Variants in ZC3H18 observed in about 807,000 individuals in gnomAD.
ZC3H18 encodes zinc finger CCCH domain-containing protein 18.
ZC3H18 carries 8 observed loss-of-function variants against 106.1 expected under a neutral mutation model. The ratio of observed to expected loss-of-function variants is 0.08; its 90% CI spans 0.04 to 0.14. The LOEUF is 0.14. Ranked by LOEUF, ZC3H18 falls within the 10% of genes least tolerant of loss-of-function variation. The probability of loss-of-function intolerance (pLI) is 1.00; values close to 1 mark genes in which losing one functional copy is unlikely to be tolerated. For synonymous variants in ZC3H18, 635 were observed against 522.1 expected (o/e 1.22, Z -2.95); for missense variants, 1,318 against 1,278.4 (o/e 1.03, Z -0.47).
chr16:88,573,563 G>C (rs2142513107), intron 1 of ZC3H18, among the ~76,000 whole-genome samples: 1 of 151,994 alleles, frequency 6.6e-6, no homozygotes, highest in Middle Eastern at 3.4e-3. Flanking sequence ...ATTTTCAGCA[G>C]TGTATACCAG....
intron 1 of ZC3H18, among the ~76,000 whole-genome samples, chr16:88,573,947 A>G (rs1293291851): frequency 6.6e-6 from 1 of 151,484 alleles, no homozygotes; most frequent in East Asian, 1.9e-4. Context: ...ATCTTGGCTC[A>G]CTGCAACCTC....
At chr16:88,600,251 A>G (rs1597338922) in intron 6 of ZC3H18, among the ~76,000 whole-genome samples, 1 of 152,148 alleles carries the variant, frequency 6.6e-6, no homozygotes, top group African/African-American at 2.4e-5. Flanking sequence ...GAGCCCCACA[A>G]GTCTGTGTTT....
At chr16:88,600,000 C>G (rs889918828) in intron 6 of ZC3H18, 52 bp downstream of exon 6, 2 of 1,599,794 alleles carry the variant, frequency 1.3e-6, no homozygotes, top group South Asian at 1.1e-5. Flanking sequence ...TGCGGCCACG[C>G]TCCGGAGAGA....
At chr16:88,584,889 C>A (rs1418699083) in intron 2 of ZC3H18, among the ~76,000 whole-genome samples, 1 of 152,064 alleles carries the variant, frequency 6.6e-6, no homozygotes, top group Non-Finnish European at 1.5e-5. Flanking sequence ...CACCTCATCT[C>A]CTACACGCTC....
In ZC3H18 at chr16:88,582,027, C is replaced by G. The variant is rs1484638771; in HGVS notation, c.603+4301C>G. On this transcript the variant is annotated intron_variant, in intron 2 of 17. Coordinates refer to ENST00000301011, the MANE Select transcript of ZC3H18 (RefSeq NM_144604.4). ...GGTTCCCATTTTGTTCCATTCTCCT[C>G]TTATTGAGGACCTCCTACATTTGTA... 3.9e-5 allele frequency among the ~76,000 whole-genome samples: 6 copies of G among 152,184 alleles called. No individual in the cohort carries two copies. In the East Asian group the frequency reaches 1.2e-3, roughly 29 times the overall value.
chr16:88,599,742 A>T (rs781659339), intron 5 of ZC3H18, 49 bp from the exon 6 acceptor site: 3 of 1,570,216 alleles, frequency 1.9e-6, no homozygotes. Flanking sequence ...CCTAACAGCG[A>T]CGCCCGGTAT....
chr16:88,626,361 A>T (rs1906309860), intron 13 of ZC3H18: 1 of 152,174 alleles, frequency 6.6e-6, no homozygotes, highest in African/African-American at 2.4e-5. Context: ...TCCAGCCTGG[A>T]CAACAGAGAT....
At chr16:88,624,896 G>T in intron 12 of ZC3H18, 151 bp downstream of exon 12, 1 of 1,226,364 alleles carries the variant, frequency 8.2e-7, no homozygotes, top group South Asian at 1.6e-5. Flanking sequence ...GCCCTTACCC[G>T]GGAACCTGCC....
intron 13 of ZC3H18, chr16:88,626,633 A>C (rs1016480842): frequency 6.6e-6 from 1 of 152,028 alleles, no homozygotes; most frequent in Admixed American, 6.6e-5. Context: ...GATTATAGGC[A>C]TGAGCCACCG....
chr16:88,611,237 G>C, intron 7 of ZC3H18, 31 bp from the exon 8 acceptor site: 1 of 745,086 alleles, frequency 1.3e-6, no homozygotes, highest in South Asian at 1.4e-5. Flanking sequence ...ATAACGCACG[G>C]TGTCCCCATG....
chr16:88,616,324 C>G lies in ZC3H18; in HGVS notation c.1475+4788C>G, dbSNP rs187534634. Among the ~76,000 whole-genome samples, 39 of 152,392 alleles carry G rather than the reference C, an allele frequency of 2.6e-4. No individual in the cohort carries two copies. The East Asian group carries it at 7.5e-3, about 29-fold the overall frequency. ...CCTGTTTCTGACCTGGTTCATTTCCCTTCTGCGAGGCTCACGTCCCTTTCT... is the reference window on the plus strand; with the variant it reads ...CCTGTTTCTGACCTGGTTCATTTCCGTTCTGCGAGGCTCACGTCCCTTTCT... On this transcript the variant is annotated intron_variant, in intron 8 of 17. Transcript: ENST00000301011.
intron 3 of ZC3H18, 140 bp downstream of exon 3, chr16:88,586,824 GT>G: frequency 9.5e-6 from 6 of 634,426 alleles, no homozygotes; most frequent in East Asian, 2.8e-5. Context: ...GGTGGTGGTG[GT>G]GGTGGTGGTG....
chr16:88,612,121 A>G (rs886474700), intron 8 of ZC3H18, among the ~76,000 whole-genome samples: 2 of 152,196 alleles, frequency 1.3e-5, no homozygotes, highest in African/African-American at 4.8e-5. Context: ...AAGACCCATG[A>G]GACAGGCAGG....
At position 88,581,411 on chromosome 16, in the gene ZC3H18, T is replaced by C. The variant is rs529058385; in HGVS notation, c.603+3685T>C. Among the ~76,000 whole-genome samples, 17 of 152,304 alleles carry C rather than the reference T, an allele frequency of 1.1e-4. 1 individual carries two copies. The stretch of plus-strand genomic sequence containing the variant: ...ACACTTTCCTTGATCGGGACATCAA[T>C]TTGTACAATAAGCCCTTGAAATTGT... On this transcript the variant is annotated intron_variant, in intron 2 of 17. Coordinates refer to ENST00000301011, the MANE Select transcript of ZC3H18 (RefSeq NM_144604.4).
At chr16:88,623,398 C>T (rs555191373) in intron 10 of ZC3H18, 54 bp downstream of exon 10, 649 of 1,594,480 alleles carry the variant, frequency 4.1e-4, no homozygotes, top group Middle Eastern at 5.0e-4. Flanking sequence ...AGCAAGGGCA[C>T]CTGCGGATGT....
chr16:88,571,533 A>G (rs184792248), intron 1 of ZC3H18: 4 of 738,700 alleles, frequency 5.4e-6, no homozygotes, highest in East Asian at 2.6e-4. Context: ...TAATTTTACT[A>G]TCTAAGGGCA....
chr16:88,627,639 G>C lies in ZC3H18; in HGVS notation c.2126G>C (p.Ser709Thr), dbSNP rs774453892. 11 of 1,605,986 alleles carry C rather than the reference G, an allele frequency of 6.8e-6. No individual in the cohort carries two copies. In the East Asian group the frequency reaches 1.3e-4, roughly 20 times the overall value. Reference protein sequence around the residue: ...SSRSRSLSVSSVSSVSSATSS... With the variant: ...SSRSRSLSVSTVSSVSSATSS... ...GTGTCCAGGTCCCTGAGCGTGAGCAGCGTCTCCTCAGTGTCCAGTGCTACG... is the reference window on the plus strand; with the variant it reads ...GTGTCCAGGTCCCTGAGCGTGAGCACCGTCTCCTCAGTGTCCAGTGCTACG... The change falls in exon 14 of 18, where the codon AGC (serine) becomes ACC (threonine). Residue 709 changes from serine (S) to threonine (T), a missense_variant. Ser to Thr is a moderately conservative substitution (Grantham distance 58, BLOSUM62 1). Around this residue, in one of 6 missense-constraint regions of ZC3H18, gnomAD observed 848 missense variants for 821.7 expected, o/e 1.03. Coordinates refer to ENST00000301011, the MANE Select transcript of ZC3H18 (RefSeq NM_144604.4). This position sits in a 1 kb window ranked among gnomAD's most constrained non-coding sequence, Gnocchi z 4.5.
rs76487412 is a variant in ZC3H18 at position 88,622,413 on chromosome 16, G to C, written c.1667+25G>C. The C allele has an allele frequency of 2.3e-4, 364 of 1,578,086 alleles. 3 individuals carry two copies. In the East Asian group the frequency reaches 8.1e-3, roughly 35 times the overall value. On this transcript the variant is annotated intron_variant, in intron 9 of 17. Coordinates refer to ENST00000301011, the MANE Select transcript of ZC3H18 (RefSeq NM_144604.4). ...GGTAAGGAGGGCTCGTGGGACGGCT[G>C]GGGTGTCAGCACCTTGGAGCCGTCA...
chr16:88,597,162 C>T (rs910655526), intron 3 of ZC3H18, among the ~76,000 whole-genome samples: 3 of 152,296 alleles, frequency 2.0e-5, no homozygotes, highest in African/African-American at 7.2e-5. Context: ...ACGTCGTGAG[C>T]CACCACGCCT....
Sources: allele counts gnomAD v4.1 joint callset (sites outside exome capture counted in the v4.1 genomes callset), GRCh38; gene constraint gnomAD v4.1.1; regional missense constraint gnomAD v4.1.1; non-coding constraint Gnocchi (gnomAD v3.1); transcripts MANE v1.5; gene names NCBI Gene and HGNC (gene_info 2026-07-23, HGNC 2026-07-21).